TIAM2: variants seen among roughly 807,000 people sequenced by gnomAD.
The protein encoded by TIAM2 is TIAM Rac1 associated GEF 2.
In TIAM2, 80 loss-of-function variants were observed where a neutral mutation model predicts 152.9. The ratio of observed to expected loss-of-function variants is 0.52; its 90% confidence interval spans 0.44 to 0.63. TIAM2 has a LOEUF of 0.63. TIAM2 is among the 30% of genes least tolerant of loss of function. The probability of loss-of-function intolerance (pLI) is 0.00; values close to 1 mark genes in which losing one functional copy is unlikely to be tolerated. For missense variants in TIAM2, 1,965 were observed against 2,120.1 expected, an observed-to-expected ratio of 0.93 and a Z score of 1.44; for synonymous variants, 804 against 838.0, an observed-to-expected ratio of 0.96 and a Z score of 0.70.
chr6:155,061,708 CCCTA>C (rs1777582825), intron 1 of TIAM2, among the ~76,000 whole-genome samples: 1 of 152,172 alleles, frequency 6.6e-6, no homozygotes, highest in African/African-American at 2.4e-5. Context: ...AGCTCCTTTT[CCCTA>C]CCTACTGTAG....
At position 155,211,246 on chromosome 6, in the gene TIAM2, G is replaced by A; in HGVS notation, c.3107G>A (p.Ser1036Asn). The change falls in exon 15 of 27, where the codon AGT becomes AAT. Residue 1036 changes from serine to asparagine, a missense_variant. Ser to Asn is a conservative substitution (Grantham distance 46). Coordinates refer to ENST00000682666, the MANE Select transcript of TIAM2 (RefSeq NM_012454.4). ...VPDITTGLKR[S>N]QTDGTLDQVS... is the part of the protein sequence containing the mutation. Reference sequence around the variant, plus strand: ...GATATCACAACAGGTCTGAAAAGGAGTCAGACAGATGGCACTCTGGATCAG... The same window carrying A: ...GATATCACAACAGGTCTGAAAAGGAATCAGACAGATGGCACTCTGGATCAG... The A allele has an allele frequency of 6.2e-7, 1 of 1,613,652 alleles. No individual in the cohort carries two copies. Among genetic ancestry groups the A allele is most frequent in the Non-Finnish European group, 8.5e-7 (1 of 1,179,618 alleles).
chr6:155,079,731 G>C (rs1347937641), intron 1 of TIAM2, among the ~76,000 whole-genome samples: 1 of 152,230 alleles, frequency 6.6e-6, no homozygotes, highest in Non-Finnish European at 1.5e-5. Flanking sequence ...TGGATCACTT[G>C]AGGTCAGGAG....
intron 9 of TIAM2, among the ~76,000 whole-genome samples, chr6:155,169,870 G>A: frequency 6.6e-6 from 1 of 151,916 alleles, no homozygotes. Flanking sequence ...CCAGGCTGGA[G>A]TGCAGTGGCG....
At chr6:155,122,756 C>T (rs1779199761) in intron 2 of TIAM2, among the ~76,000 whole-genome samples, 1 of 152,100 alleles carries the variant, frequency 6.6e-6, no homozygotes, top group African/African-American at 2.4e-5. Flanking sequence ...CATATCTCTT[C>T]CTGCAGGTTA....
At chr6:155,180,155 T>C (rs1780864349) in intron 12 of TIAM2, among the ~76,000 whole-genome samples, 1 of 152,168 alleles carries the variant, frequency 6.6e-6, no homozygotes, top group African/African-American at 2.4e-5. Flanking sequence ...GGTACATGCC[T>C]GTAATCCCAG....
At position 155,254,404 on chromosome 6, in the gene TIAM2, TC is replaced by T. The variant is rs201028845; in HGVS notation, c.4314-7del. On this transcript the variant is annotated splice_polypyrimidine_tract_variant and intron_variant, in intron 25 of 26. Transcript: ENST00000682666. ...CTGTGGACACTTCTGCTGTTTTCTC[TC>T]CCCCCCCACCCAGTGACAGTGAAAG... The T allele has an allele frequency of 0.014, 22,307 of 1,603,640 alleles. 274 individuals carry two copies. The highest frequency in any genetic ancestry group is 0.015 in the Non-Finnish European group (17,102 of 1,172,276).
At chr6:155,096,396 A>G (rs974160854) in intron 2 of TIAM2, among the ~76,000 whole-genome samples, 2 of 152,156 alleles carry the variant, frequency 1.3e-5, no homozygotes, top group Non-Finnish European at 2.9e-5. Context: ...TGGAACTTAT[A>G]ATACATTATT....
At chr6:155,136,797 T>G (rs965381158) in intron 4 of TIAM2, among the ~76,000 whole-genome samples, 1 of 152,182 alleles carries the variant, frequency 6.6e-6, no homozygotes, top group Non-Finnish European at 1.5e-5. Context: ...ATTGCAAGAA[T>G]ATGAATTCTT....
At chr6:155,010,106 C>T (rs555160713) in intron 1 of TIAM2, among the ~76,000 whole-genome samples, 2 of 152,060 alleles carry the variant, frequency 1.3e-5, no homozygotes, top group East Asian at 3.9e-4. Flanking sequence ...GAAGTCCTAG[C>T]ACTACAGGCG....
At chr6:155,026,914 A>G (rs989132840) in intron 1 of TIAM2, among the ~76,000 whole-genome samples, 1 of 152,128 alleles carries the variant, frequency 6.6e-6, no homozygotes, top group Non-Finnish European at 1.5e-5. Context: ...AAAACTGTTC[A>G]TTTGTTATAG....
At chr6:155,178,616 C>T (rs943244145) in intron 10 of TIAM2, among the ~76,000 whole-genome samples, 1 of 151,900 alleles carries the variant, frequency 6.6e-6, no homozygotes, top group Non-Finnish European at 1.5e-5. Context: ...CTGTTATCAC[C>T]CAGACTGGAG....
chr6:155,124,272 C>T (rs990926665), intron 2 of TIAM2, among the ~76,000 whole-genome samples: 3 of 152,160 alleles, frequency 2.0e-5, no homozygotes, highest in Non-Finnish European at 4.4e-5. Context: ...CCATCTGCCT[C>T]GGATTCCCAA....
Position 155,249,834 on chromosome 6 carries a change from G to C in TIAM2, c.3833-17G>C, listed in dbSNP as rs147896206. On this transcript the variant is annotated splice_polypyrimidine_tract_variant and intron_variant, in intron 20 of 26. Transcript: ENST00000682666. The stretch of plus-strand genomic sequence containing the variant: ...CAAATAACAGTTATGAAATAAATAT[G>C]ATTTCATATCTTGCAGAAGCACTAA... The C allele has an allele frequency of 1.3e-6, 2 of 1,564,782 alleles. No homozygotes were observed. The highest frequency in any genetic ancestry group is 4.5e-5 in the East Asian group (2 of 44,638).
At position 155,156,898 on chromosome 6, in the gene TIAM2, G is replaced by T. The variant is rs561359320; in HGVS notation, c.2029-7517G>T. Among the ~76,000 whole-genome samples the T allele has an allele frequency of 2.6e-5, 4 of 152,222 alleles. No individual in the cohort carries two copies. In the East Asian group the frequency reaches 7.7e-4, roughly 29 times the overall value. ...TCACCCCTTCTCGACTGTCATGAAG[G>T]GTTTAGGGGTCGCTTCCTCCAAGGC... On this transcript the variant is annotated intron_variant, in intron 7 of 26. Coordinates refer to ENST00000682666, the MANE Select transcript of TIAM2 (RefSeq NM_012454.4). This position sits in a 1 kb window ranked among gnomAD's most constrained non-coding sequence, Gnocchi z 4.4.
In TIAM2 at chr6:155,186,323, G is replaced by A. The variant is rs1781042080; in HGVS notation, c.3064+2823G>A. Among the ~76,000 whole-genome samples, 1 of 152,170 alleles carries A rather than the reference G, an allele frequency of 6.6e-6. No individual in the cohort carries two copies. The highest frequency in any genetic ancestry group is 2.1e-4 in the South Asian group (1 of 4,830). On this transcript the variant is annotated intron_variant, in intron 14 of 26. Coordinates refer to ENST00000682666, the MANE Select transcript of TIAM2 (RefSeq NM_012454.4). The surrounding 1 kb of genome is among the most constrained non-coding windows in gnomAD (Gnocchi z 4.5). ...ACCCTGGTGGAAACGGTTCTGAGGT[G>A]CAGTCTACACAGCTCTGCAGATGGG...
intron 1 of TIAM2, among the ~76,000 whole-genome samples, chr6:155,013,468 C>T (rs949213101): frequency 6.6e-6 from 1 of 152,128 alleles, no homozygotes; most frequent in African/African-American, 2.4e-5. Context: ...CTGCATCTGG[C>T]GCTGTGCTAG....
intron 1 of TIAM2, among the ~76,000 whole-genome samples, chr6:155,057,370 T>C (rs1270172349): frequency 6.6e-6 from 1 of 151,732 alleles, no homozygotes; most frequent in Non-Finnish European, 1.5e-5. Context: ...TGGGCTAATA[T>C]GTTTTTGAGA....
chr6:155,045,877 GT>G (rs1220880895), intron 1 of TIAM2, among the ~76,000 whole-genome samples: 4 of 34,958 alleles, frequency 1.1e-4, no homozygotes, highest in African/African-American at 4.7e-4. Flanking sequence ...TTGTTTGTTT[GT>G]TTTAGCCATA....
At chr6:155,241,263 GC>G (rs920177762) in intron 16 of TIAM2, among the ~76,000 whole-genome samples, 17 of 152,310 alleles carry the variant, frequency 1.1e-4, no homozygotes, top group Admixed American at 1.1e-3. Context: ...CATCTCATAA[GC>G]CCCCAGTCAG....
Sources: allele counts gnomAD v4.1 joint callset (sites outside exome capture counted in the v4.1 genomes callset), GRCh38; gene constraint gnomAD v4.1.1; non-coding constraint Gnocchi (gnomAD v3.1); transcripts MANE v1.5; gene names NCBI Gene and HGNC (gene_info 2026-07-23, HGNC 2026-07-21).